Variants in CTNNA3 observed in about 807,000 individuals in gnomAD.
CTNNA3 encodes the protein catenin alpha 3, also known as catenin alpha-3.
In CTNNA3, 76 loss-of-function variants were observed where a neutral mutation model predicts 95.7. The observed-to-expected ratio is 0.79, with a 90% confidence interval of 0.66 to 0.96. The LOEUF is 0.96. Ranked by LOEUF, CTNNA3 falls within the 40% of genes least tolerant of loss-of-function variation. The pLI, the probability that CTNNA3 is intolerant of heterozygous loss-of-function variation, is 0.00. For synonymous variants in CTNNA3, 431 were observed against 374.4 expected, an observed-to-expected ratio of 1.15 and a Z score of -1.74; for missense variants, 1,191 against 1,089.8, an observed-to-expected ratio of 1.09 and a Z score of -1.31.
intron 12 of CTNNA3, among the ~76,000 whole-genome samples, chr10:66,363,161 T>C (rs180714188): frequency 4.6e-5 from 7 of 152,306 alleles, no homozygotes; most frequent in Admixed American, 2.0e-4. Flanking sequence ...GTGCGCTGCT[T>C]ATCATTTGAA....
chr10:67,313,347 G>A (rs1840895849), intron 5 of CTNNA3, among the ~76,000 whole-genome samples: 1 of 151,794 alleles, frequency 6.6e-6, no homozygotes, highest in African/African-American at 2.4e-5. Flanking sequence ...CAGGAGAATG[G>A]CATGAACCCG....
chr10:66,695,787 T>A (rs1289125032), intron 9 of CTNNA3, among the ~76,000 whole-genome samples: 1 of 151,996 alleles, frequency 6.6e-6, no homozygotes, highest in Non-Finnish European at 1.5e-5. Flanking sequence ...GACTAATTTT[T>A]AGCATGAAAC....
chr10:66,130,440 GA>G (rs2083033980), intron 13 of CTNNA3, among the ~76,000 whole-genome samples: 1 of 149,182 alleles, frequency 6.7e-6, no homozygotes. Context: ...TTTTTTTTTG[GA>G]AAAATTAATA....
intron 5 of CTNNA3, among the ~76,000 whole-genome samples, chr10:67,320,105 T>C (rs1032166072): frequency 2.0e-5 from 3 of 152,138 alleles, no homozygotes; most frequent in Non-Finnish European, 2.9e-5. Flanking sequence ...GATGGAAATA[T>C]GAGGTTTCCA....
rs185638142 is a variant in CTNNA3, at chr10:67,371,089, A to G, written c.579+150753T>C. ...CACCGTTTTAGCCTGGATGGTCTCG[A>G]TCTCCTGACCTCTTGATCCGCCCGC... On this transcript the variant is annotated intron_variant, in intron 5 of 17. Coordinates refer to ENST00000433211, the MANE Select transcript of CTNNA3 (RefSeq NM_013266.4). Among the ~76,000 whole-genome samples the G allele has an allele frequency of 4.6e-3, 695 of 151,592 alleles. 7 individuals are homozygous for G. The highest frequency in any genetic ancestry group is 0.016 in the African/African-American group (658 of 41,460).
rs1272230918 is a variant in CTNNA3, at chr10:66,298,818, T to C, written c.1733-18197A>G. ...TACAGGATCTTCCATTATTCTCTAG[T>C]GTTACATATTGTTCAGAGAAACATT... On this transcript the variant is annotated intron_variant, in intron 12 of 17. Coordinates refer to ENST00000433211, the MANE Select transcript of CTNNA3 (RefSeq NM_013266.4). 1.3e-5 allele frequency among the ~76,000 whole-genome samples: 2 copies of C among 152,306 alleles called. 1 individual carries two copies. The highest frequency in any genetic ancestry group is 4.1e-4 in the South Asian group (2 of 4,832).
At chr10:66,812,955 A>G (rs1841940437) in intron 7 of CTNNA3, among the ~76,000 whole-genome samples, 1 of 152,142 alleles carries the variant, frequency 6.6e-6, no homozygotes, top group South Asian at 2.1e-4. Context: ...TATTTTGTTG[A>G]AACCCAAGCA....
intron 7 of CTNNA3, among the ~76,000 whole-genome samples, chr10:67,029,491 T>C (rs928428272): frequency 6.6e-6 from 1 of 152,296 alleles, no homozygotes; most frequent in Admixed American, 6.5e-5. Flanking sequence ...CGGTGGGTAC[T>C]CATCTACTTG....
chr10:67,065,955 C>A (rs186785281), intron 7 of CTNNA3, among the ~76,000 whole-genome samples: 1 of 152,002 alleles, frequency 6.6e-6, no homozygotes, highest in Non-Finnish European at 1.5e-5. Flanking sequence ...AAAAAATATG[C>A]CACCAAGTAT....
At chr10:67,067,327 T>G (rs1856156131) in intron 7 of CTNNA3, among the ~76,000 whole-genome samples, 1 of 152,206 alleles carries the variant, frequency 6.6e-6, no homozygotes, top group South Asian at 2.1e-4. Context: ...TAATATTTAT[T>G]GAGCAATAAA....
chr10:67,478,394 G>C (rs1255713413), intron 5 of CTNNA3, among the ~76,000 whole-genome samples: 1 of 152,100 alleles, frequency 6.6e-6, no homozygotes, highest in Non-Finnish European at 1.5e-5. Flanking sequence ...AAAAACATCA[G>C]ATCACATAAA....
At chr10:67,125,336 T>C (rs1859670983) in intron 7 of CTNNA3, among the ~76,000 whole-genome samples, 1 of 152,152 alleles carries the variant, frequency 6.6e-6, no homozygotes, top group East Asian at 1.9e-4. Context: ...TAAAATATAC[T>C]TATTATAATG....
chr10:65,959,542 T>C (rs948808011), intron 17 of CTNNA3, among the ~76,000 whole-genome samples: 1 of 152,190 alleles, frequency 6.6e-6, no homozygotes, highest in Non-Finnish European at 1.5e-5. Flanking sequence ...TTTAGTGTTT[T>C]GAGACAAGGT....
intron 7 of CTNNA3, among the ~76,000 whole-genome samples, chr10:66,977,929 CA>C (rs748381012): frequency 1.3e-5 from 2 of 151,822 alleles, no homozygotes; most frequent in Non-Finnish European, 2.9e-5. Flanking sequence ...CTTATGGAAC[CA>C]AAACATATTT....
chr10:66,112,152 G>A (rs1366559708), intron 13 of CTNNA3, among the ~76,000 whole-genome samples: 1 of 152,034 alleles, frequency 6.6e-6, no homozygotes, highest in Non-Finnish European at 1.5e-5. Context: ...TCAAAATAGG[G>A]TTAATCTCCT....
At chr10:66,492,055 T>C (rs1565015350) in intron 11 of CTNNA3, among the ~76,000 whole-genome samples, 1 of 152,190 alleles carries the variant, frequency 6.6e-6, no homozygotes, top group Admixed American at 6.5e-5. Context: ...TTGTTTCATG[T>C]GTTTTAGCCT....
At chr10:66,029,137 AC>A (rs1305011949) in intron 15 of CTNNA3, among the ~76,000 whole-genome samples, 1 of 152,230 alleles carries the variant, frequency 6.6e-6, no homozygotes, top group Non-Finnish European at 1.5e-5. Flanking sequence ...GTTGAAGGAC[AC>A]ATCACAATTT....
In CTNNA3 at chr10:67,462,570, A is replaced by T. The variant is rs142612848; in HGVS notation, c.579+59272T>A. On this transcript the variant is annotated intron_variant, in intron 5 of 17. Transcript: ENST00000433211. ...AGTGTCTTATACAAAATCCCAGGGC[A>T]AGACTCTGATTGGCTCAGCTTGAAT... is the stretch of plus-strand genomic sequence containing the variant. Among the ~76,000 whole-genome samples the T allele has an allele frequency of 7.1e-3, 1,089 of 152,336 alleles. 19 individuals are homozygous for T. Among genetic ancestry groups the T allele is most frequent in the African/African-American group, 0.025 (1,038 of 41,586 alleles).
chr10:67,116,721 A>AATATATATATATATATATAT (rs34041126), intron 7 of CTNNA3, among the ~76,000 whole-genome samples: 4 of 143,530 alleles, frequency 2.8e-5, no homozygotes, highest in African/African-American at 7.6e-5. Context: ...CAGTTTTGAA[A>AATATATATATATATATATAT]ATATATATAT....
Sources: gnomAD v4.1 joint callset for allele counts (sites outside exome capture counted in the v4.1 genomes callset) on GRCh38, gnomAD v4.1.1 for gene constraint, MANE v1.5 for transcripts, NCBI Gene and HGNC (gene_info 2026-07-23, HGNC 2026-07-21) for gene names.